The following ADH4 variants were observed in gnomAD, a reference collection of about 807,000 sequenced individuals.
ADH4 encodes all-trans-retinol dehydrogenase [NAD(+)] ADH4.
Under a neutral mutation model 35.2 loss-of-function variants are expected in ADH4, and 31 were observed. The observed-to-expected ratio is 0.88, with a 90% CI of 0.66 to 1.19. ADH4 has a LOEUF of 1.19. Among genes scored for constraint, ADH4 ranks in the 50% most tolerant of loss-of-function variants. The pLI, the probability that ADH4 is intolerant of heterozygous loss-of-function variation, is 0.00. For synonymous variants in ADH4, 171 were observed against 160.2 expected, an observed-to-expected ratio of 1.07 and a Z score of -0.51; for missense variants, 476 against 458.3, an observed-to-expected ratio of 1.04 and a Z score of -0.35.
At chr4:99,133,107 C>T (rs1729338289) in intron 5 of ADH4, among the ~76,000 whole-genome samples, 1 of 152,032 alleles carries the variant, frequency 6.6e-6, no homozygotes, top group South Asian at 2.1e-4. Context: ...TGCATTTTTC[C>T]CATTGCAGCA....
chr4:99,138,400 G>T (rs1460143088), intron 4 of ADH4, among the ~76,000 whole-genome samples: 4 of 152,124 alleles, frequency 2.6e-5, no homozygotes, highest in Non-Finnish European at 5.9e-5. Flanking sequence ...AGGATGAAAG[G>T]ATCCTTCTGT....
At chr4:99,141,744 C>A in intron 2 of ADH4, 62 bp from the exon 3 acceptor site, 24 of 1,507,602 alleles carry the variant, frequency 1.6e-5, no homozygotes, top group Non-Finnish European at 2.2e-5. Flanking sequence ...CTGGATGTTA[C>A]ATATAAGATT....
chr4:99,129,983 A>G (rs1388722529), intron 6 of ADH4, among the ~76,000 whole-genome samples: 1 of 152,188 alleles, frequency 6.6e-6, no homozygotes, highest in Non-Finnish European at 1.5e-5. Flanking sequence ...CAGTCACACT[A>G]CCAGTTTTTC....
chr4:99,135,491 A>C (rs909580934), intron 5 of ADH4, among the ~76,000 whole-genome samples: 1 of 152,120 alleles, frequency 6.6e-6, no homozygotes, highest in African/African-American at 2.4e-5. Flanking sequence ...TGAGAGCCTG[A>C]AGTAGATCTC....
chr4:99,136,258 C>A (rs939247430), intron 5 of ADH4, among the ~76,000 whole-genome samples: 4 of 151,948 alleles, frequency 2.6e-5, no homozygotes, highest in African/African-American at 9.7e-5. Flanking sequence ...GGCTACTGGG[C>A]CAGATGTTTT....
chr4:99,128,043 A>G (rs1223809168), intron 6 of ADH4, among the ~76,000 whole-genome samples: 2 of 150,768 alleles, frequency 1.3e-5, no homozygotes, highest in African/African-American at 4.9e-5. Context: ...TAAAATTGTT[A>G]GGTCAATAAC....
At chr4:99,126,840 A>G in intron 7 of ADH4, 108 bp from the exon 8 acceptor site, 1 of 1,054,436 alleles carries the variant, frequency 9.5e-7, no homozygotes, top group African/African-American at 1.6e-5. Flanking sequence ...GGTTTGCTTC[A>G]AATAGATTAA....
intron 6 of ADH4, among the ~76,000 whole-genome samples, chr4:99,128,003 CTT>C (rs531060104): frequency 1.4e-5 from 2 of 146,764 alleles, no homozygotes; most frequent in Non-Finnish European, 1.5e-5. Context: ...CGTTGTGTGA[CTT>C]TTTTTTTTTT....
Position 99,144,279 on chromosome 4 carries a change from C to T in ADH4, c.-57G>A. The stretch of plus-strand genomic sequence containing the variant: ...TTCTGAGTTAAGAAAGCTTCAAACT[C>T]CTACCCAGGGAGTTCCGTGTCCTAT... On this transcript the variant is annotated 5_prime_UTR_variant, in exon 1 of 9. Transcript: ENST00000265512. The T allele has an allele frequency of 6.4e-7, 1 of 1,558,342 alleles. No homozygotes were observed. The highest frequency in any genetic ancestry group is 8.9e-7 in the Non-Finnish European group (1 of 1,129,438).
chr4:99,130,759 A>G (rs900393769), intron 6 of ADH4, among the ~76,000 whole-genome samples: 5 of 152,302 alleles, frequency 3.3e-5, no homozygotes, highest in African/African-American at 7.2e-5. Flanking sequence ...GGTTTGGCCC[A>G]TTCATTGGTA....
At chr4:99,126,522 C>A in intron 8 of ADH4, 72 bp downstream of exon 8, 1 of 1,484,154 alleles carries the variant, frequency 6.7e-7, no homozygotes, top group Non-Finnish European at 9.2e-7. Flanking sequence ...CTGGTTGCTT[C>A]TTAACATCAA....
intron 3 of ADH4, among the ~76,000 whole-genome samples, chr4:99,139,963 T>C (rs777388982): frequency 1.3e-5 from 2 of 152,324 alleles, no homozygotes; most frequent in Non-Finnish European, 2.9e-5. Flanking sequence ...CCTCTAACTT[T>C]GGAGCATTCT....
intron 6 of ADH4, among the ~76,000 whole-genome samples, chr4:99,128,002 A>AC (rs904908999): frequency 2.2e-5 from 3 of 133,768 alleles, no homozygotes; most frequent in Non-Finnish European, 5.2e-5. Context: ...TCGTTGTGTG[A>AC]CTTTTTTTTT....
At position 99,131,523 on chromosome 4, in the gene ADH4, GCA is replaced by G. The variant is rs29001206; in HGVS notation, c.822_823del (p.Ala275ArgfsTer4). ...ACATACCATGGTTTCAGATCCACCT[GCA>G]CAGTCAAGGGCAAAATCCACACCTC... On this transcript the variant is annotated frameshift_variant, in exon 6 of 9. Transcript: ENST00000265512. LOFTEE classifies it high-confidence loss of function. The G allele has an allele frequency of 1.3e-4, 213 of 1,613,640 alleles. 1 individual carries two copies. The African/African-American group carries it at 2.0e-3, about 15-fold the overall frequency.
Position 99,144,286 on chromosome 4 carries a change from A to G in ADH4, c.-64T>C. On this transcript the variant is annotated 5_prime_UTR_variant, in exon 1 of 9. Transcript: ENST00000265512. The stretch of plus-strand genomic sequence containing the variant: ...TTAAGAAAGCTTCAAACTCCTACCC[A>G]GGGAGTTCCGTGTCCTATAATGAGC... 6.7e-7 allele frequency: 1 copy of G among 1,502,132 alleles called. No homozygotes were observed. Among genetic ancestry groups the G allele is most frequent in the Non-Finnish European group, 9.3e-7 (1 of 1,078,298 alleles). The allele number at this position is 1,502,132 out of a possible 1,614,324, so 93.1% of individuals were successfully genotyped here. A position where few individuals can be genotyped will look rare whatever the true frequency, so the allele number is the denominator to read the frequency against.
chr4:99,134,757 T>C (rs17218141), intron 5 of ADH4, among the ~76,000 whole-genome samples: 31,831 of 151,360 alleles, frequency 0.21, 4,023 homozygotes, highest in Non-Finnish European at 0.28. Context: ...AGATAACATG[T>C]TGATAGCAAA....
intron 7 of ADH4, among the ~76,000 whole-genome samples, 163 bp downstream of exon 7, chr4:99,127,046 A>G (rs1729117024): frequency 6.6e-6 from 1 of 151,912 alleles, no homozygotes; most frequent in African/African-American, 2.4e-5. Flanking sequence ...TTTTTATATA[A>G]ATTATTTATA....
At chr4:99,132,659 T>C (rs1362340579) in intron 5 of ADH4, among the ~76,000 whole-genome samples, 5 of 152,152 alleles carry the variant, frequency 3.3e-5, no homozygotes, top group East Asian at 1.9e-4. Context: ...AAATAATAGA[T>C]AAGATGGTAA....
At chr4:99,142,269 A>G (rs1251222762) in intron 2 of ADH4, among the ~76,000 whole-genome samples, 1 of 152,228 alleles carries the variant, frequency 6.6e-6, no homozygotes, top group African/African-American at 2.4e-5. Context: ...CTGGATACCC[A>G]GGACCCTTCG....
Sources: allele counts gnomAD v4.1 joint callset (sites outside exome capture counted in the v4.1 genomes callset), GRCh38; gene constraint gnomAD v4.1.1; transcripts MANE v1.5; gene names NCBI Gene and HGNC (gene_info 2026-07-23, HGNC 2026-07-21).